The following SAE1 variants were observed in gnomAD, a reference collection of about 807,000 sequenced individuals.
The protein encoded by SAE1 is SUMO-activating enzyme subunit 1.
SAE1 carries 11 observed loss-of-function variants against 40.6 expected under a neutral mutation model. The ratio of observed to expected loss-of-function variants is 0.27; its 90% confidence interval spans 0.17 to 0.45. The LOEUF is 0.45. SAE1 is among the 20% of genes least tolerant of loss of function. The pLI is 1.00. For missense variants in SAE1, 373 were observed against 427.3 expected, an observed-to-expected ratio of 0.87 and a Z score of 1.12; for synonymous variants, 155 against 154.3, an observed-to-expected ratio of 1.00 and a Z score of -0.03.
Position 47,201,360 on chromosome 19 carries a change from C to CTTTTTTTTTTTTTTTTTT in SAE1, c.879-2299_879-2282dup, listed in dbSNP as rs57568797. Among the ~76,000 whole-genome samples the CTTTTTTTTTTTTTTTTTT allele has an allele frequency of 2.1e-4, 14 of 66,228 alleles. 2 individuals are homozygous for CTTTTTTTTTTTTTTTTTT. The highest frequency in any genetic ancestry group is 7.3e-4 in the African/African-American group (11 of 15,056). 43.4% of individuals were successfully genotyped at this position (66,228 alleles called of 152,430 possible). ...CTGCACCTGGCCTGTTATCTGGTTC[C>CTTTTTTTTTTTTTTTTTT]TTTTTTTTTTTTTTTTTTTTTTTTT... On this transcript the variant is annotated intron_variant, in intron 7 of 8. Coordinates refer to ENST00000270225, the MANE Select transcript of SAE1 (RefSeq NM_005500.3).
At chr19:47,158,566 C>T (rs1296710103) in intron 5 of SAE1, among the ~76,000 whole-genome samples, 1 of 152,180 alleles carries the variant, frequency 6.6e-6, no homozygotes, top group East Asian at 1.9e-4. Context: ...ACAAGCTTTC[C>T]AGGCACCAGA....
intron 1 of SAE1, among the ~76,000 whole-genome samples, chr19:47,133,602 G>A (rs1397827601): frequency 6.6e-6 from 1 of 152,204 alleles, no homozygotes; most frequent in Non-Finnish European, 1.5e-5. Flanking sequence ...TGGCTGGACT[G>A]TTGCAGTAAT....
intron 4 of SAE1, among the ~76,000 whole-genome samples, chr19:47,153,602 G>C (rs2058301583): frequency 6.6e-6 from 1 of 152,122 alleles, no homozygotes. Flanking sequence ...TGAGATAGGA[G>C]CTTCCTACCA....
In SAE1 at chr19:47,201,360, C is replaced by CTTTTTTTTTTTTTTT. The variant is rs57568797; in HGVS notation, c.879-2296_879-2282dup. ...CTGCACCTGGCCTGTTATCTGGTTC[C>CTTTTTTTTTTTTTTT]TTTTTTTTTTTTTTTTTTTTTTTTT... On this transcript the variant is annotated intron_variant, in intron 7 of 8. Transcript: ENST00000270225. Among the ~76,000 whole-genome samples, 31 of 66,230 alleles carry CTTTTTTTTTTTTTTT rather than the reference C, an allele frequency of 4.7e-4. 4 individuals are homozygous for CTTTTTTTTTTTTTTT. Among genetic ancestry groups the CTTTTTTTTTTTTTTT allele is most frequent in the Middle Eastern group, 0.014 (1 of 72 alleles). 43.4% of individuals were successfully genotyped at this position (66,230 alleles called of 152,430 possible).
intron 6 of SAE1, among the ~76,000 whole-genome samples, chr19:47,184,991 T>C (rs1383589705): frequency 6.6e-6 from 1 of 151,716 alleles, no homozygotes; most frequent in Non-Finnish European, 1.5e-5. Context: ...AGCTAATTTT[T>C]GTAGTTTTAG....
intron 6 of SAE1, among the ~76,000 whole-genome samples, chr19:47,171,447 C>T (rs2058432298): frequency 6.6e-6 from 1 of 151,860 alleles, no homozygotes; most frequent in Admixed American, 6.6e-5. Flanking sequence ...CGGGCACCAC[C>T]ATGCCCAGCT....
chr19:47,164,607 T>C (rs1014036322), intron 5 of SAE1, among the ~76,000 whole-genome samples: 4 of 151,740 alleles, frequency 2.6e-5, no homozygotes, highest in Non-Finnish European at 5.9e-5. Context: ...GACAACAAAT[T>C]TGATGGTTGA....
chr19:47,186,218 C>A (rs573209174), intron 6 of SAE1, among the ~76,000 whole-genome samples: 1 of 151,404 alleles, frequency 6.6e-6, no homozygotes, highest in African/African-American at 2.4e-5. Flanking sequence ...CCAGCCTGGG[C>A]AACAGAGAGA....
At chr19:47,208,854 T>G (rs1376506909) in intron 8 of SAE1, among the ~76,000 whole-genome samples, 1 of 152,358 alleles carries the variant, frequency 6.6e-6, no homozygotes, top group South Asian at 2.1e-4. Context: ...TGCCTGGCCC[T>G]GGCCTGTTTT....
intron 1 of SAE1, among the ~76,000 whole-genome samples, chr19:47,134,197 G>A (rs1000555999): frequency 1.3e-5 from 2 of 152,078 alleles, no homozygotes; most frequent in Admixed American, 6.6e-5. Context: ...GTAGAAATAT[G>A]TGAGGGGTTG....
At chr19:47,154,946 C>G (rs2058311835) in intron 4 of SAE1, among the ~76,000 whole-genome samples, 168 bp from the exon 5 acceptor site, 1 of 152,150 alleles carries the variant, frequency 6.6e-6, no homozygotes, top group Admixed American at 6.5e-5. Context: ...CAACAGTGTA[C>G]CAGACTCATC....
chr19:47,186,128 T>C (rs2058543151), intron 6 of SAE1, among the ~76,000 whole-genome samples: 1 of 151,342 alleles, frequency 6.6e-6, no homozygotes. Context: ...TAGTCCCAGC[T>C]ACTAGGGAGG....
At chr19:47,182,362 A>G (rs919493753) in intron 6 of SAE1, among the ~76,000 whole-genome samples, 5 of 152,024 alleles carry the variant, frequency 3.3e-5, no homozygotes, top group African/African-American at 1.2e-4. Flanking sequence ...GCCACAGGGA[A>G]ATGGGTTCCG....
chr19:47,155,312 G>A, intron 5 of SAE1, 99 bp downstream of exon 5: 1 of 773,482 alleles, frequency 1.3e-6, no homozygotes, highest in Non-Finnish European at 2.2e-6. Flanking sequence ...TCTTGAAGGG[G>A]TGGGGCGGGT....
In SAE1 at chr19:47,182,464, A is replaced by AGTGTGTGTGTGT. The variant is rs113149127; in HGVS notation, c.733+12563_733+12574dup. On this transcript the variant is annotated intron_variant, in intron 6 of 8. Transcript: ENST00000270225. ...TTTGTAAGGAAAAAGAAAAAAGCGTAGTGTGTGTGTGTGTGTGTGTGTGTG... is the reference window on the plus strand; with the variant it reads ...TTTGTAAGGAAAAAGAAAAAAGCGTAGTGTGTGTGTGTGTGTGTGTGTGTGTGTGTGTGTGTG... Among the ~76,000 whole-genome samples, 550 of 144,424 alleles carry AGTGTGTGTGTGT rather than the reference A, an allele frequency of 3.8e-3. 3 individuals are homozygous for AGTGTGTGTGTGT. Among genetic ancestry groups the AGTGTGTGTGTGT allele is most frequent in the East Asian group, 0.025 (119 of 4,684 alleles). The allele number at this position is 144,424 out of a possible 152,430, so 94.7% of individuals were successfully genotyped here.
intron 6 of SAE1, among the ~76,000 whole-genome samples, chr19:47,188,797 G>A (rs1271173877): frequency 5.9e-5 from 9 of 152,196 alleles, no homozygotes; most frequent in Non-Finnish European, 1.5e-5. Flanking sequence ...TTGGAAAGCT[G>A]TCCAGGCCAG....
chr19:47,140,167 C>T (rs1217071251), intron 1 of SAE1, among the ~76,000 whole-genome samples: 1 of 147,612 alleles, frequency 6.8e-6, no homozygotes, highest in Non-Finnish European at 1.5e-5. Flanking sequence ...AATGCAGTGG[C>T]GCCATCTCGG....
chr19:47,163,903 G>A (rs1236954372), intron 5 of SAE1, among the ~76,000 whole-genome samples: 4 of 151,732 alleles, frequency 2.6e-5, no homozygotes, highest in African/African-American at 9.7e-5. Flanking sequence ...CCGAGTAGCT[G>A]GGATTACAGG....
At chr19:47,139,936 C>CTTTT (rs34575308) in intron 1 of SAE1, among the ~76,000 whole-genome samples, 1 of 111,572 alleles carries the variant, frequency 9.0e-6, no homozygotes, top group Admixed American at 1.0e-4. Context: ...TTGGGTATTT[C>CTTTT]TTTTTTTTTT....
Sources: gnomAD v4.1 joint callset for allele counts (sites outside exome capture counted in the v4.1 genomes callset) on GRCh38, gnomAD v4.1.1 for gene constraint, MANE v1.5 for transcripts, NCBI Gene and HGNC (gene_info 2026-07-23, HGNC 2026-07-21) for gene names.